PDGFD: variants seen among roughly 807,000 people sequenced by gnomAD.
The protein encoded by PDGFD is platelet derived growth factor D.
Under a neutral mutation model 44.7 loss-of-function variants are expected in PDGFD, and 30 were observed. The ratio of observed to expected loss-of-function variants is 0.67; its 90% CI spans 0.50 to 0.91. The LOEUF is 0.91. Ranked by LOEUF, PDGFD falls within the 40% of genes least tolerant of loss-of-function variation. PDGFD has a pLI of 0.00. For synonymous variants in PDGFD, 173 were observed against 168.4 expected (o/e 1.03, Z -0.21); for missense variants, 445 against 457.8 (o/e 0.97, Z 0.25).
intron 3 of PDGFD, among the ~76,000 whole-genome samples, chr11:103,972,170 T>G (rs1339495243): frequency 2.6e-5 from 4 of 152,214 alleles, no homozygotes; most frequent in Admixed American, 6.5e-5. Flanking sequence ...TCAGCATTAT[T>G]TACACTTCGG....
At chr11:103,931,309 TG>T (rs1246900534) in intron 5 of PDGFD, among the ~76,000 whole-genome samples, 1 of 152,208 alleles carries the variant, frequency 6.6e-6, no homozygotes, top group Non-Finnish European at 1.5e-5. Flanking sequence ...AAATTCATTA[TG>T]AAACAAAATA....
intron 1 of PDGFD, among the ~76,000 whole-genome samples, chr11:104,019,624 C>T (rs187231835): frequency 7.2e-5 from 11 of 152,154 alleles, no homozygotes; most frequent in South Asian, 2.1e-4. Flanking sequence ...TAATTCTGAG[C>T]GCCAACTCCA....
chr11:104,081,499 C>G (rs7935990), intron 1 of PDGFD, among the ~76,000 whole-genome samples: 6,122 of 152,048 alleles, frequency 0.04, 409 homozygotes, highest in African/African-American at 0.14. Context: ...ACCAAGAAAC[C>G]CATAATGTCT....
intron 6 of PDGFD, among the ~76,000 whole-genome samples, chr11:103,919,859 G>GAAA: frequency 6.7e-6 from 1 of 148,850 alleles, no homozygotes. Flanking sequence ...GTTTCTCAAG[G>GAAA]AAAAAAAAAA....
chr11:104,046,743 TA>T lies in PDGFD; in HGVS notation c.125-46489del, dbSNP rs780803463. ...TCAGTGATTCAGGTTAAATTATTAT[TA>T]TTTTTTTATTATTATACTTTAAGTT... On this transcript the variant is annotated intron_variant, in intron 1 of 6. Transcript: ENST00000393158. Among the ~76,000 whole-genome samples, 16 of 147,420 alleles carry T rather than the reference TA, an allele frequency of 1.1e-4. 2 individuals carry two copies. Among genetic ancestry groups the T allele is most frequent in the East Asian group, 3.9e-4 (2 of 5,116 alleles).
intron 1 of PDGFD, among the ~76,000 whole-genome samples, chr11:104,156,722 T>G (rs1244137929): frequency 6.6e-6 from 1 of 152,208 alleles, no homozygotes; most frequent in African/African-American, 2.4e-5. Context: ...AAAGACATAT[T>G]ATCATGTGCA....
At chr11:104,134,385 T>C (rs1291733550) in intron 1 of PDGFD, among the ~76,000 whole-genome samples, 1 of 152,198 alleles carries the variant, frequency 6.6e-6, no homozygotes, top group Non-Finnish European at 1.5e-5. Context: ...AAGGAAATTA[T>C]TGTGTTGGAT....
At chr11:104,104,057 T>C (rs1418004940) in intron 1 of PDGFD, among the ~76,000 whole-genome samples, 1 of 151,954 alleles carries the variant, frequency 6.6e-6, no homozygotes, top group East Asian at 1.9e-4. Flanking sequence ...CCTGACCCTG[T>C]GCAGGCCTAA....
chr11:104,124,454 T>C (rs1355350907), intron 1 of PDGFD, among the ~76,000 whole-genome samples: 1 of 152,098 alleles, frequency 6.6e-6, no homozygotes, highest in Non-Finnish European at 1.5e-5. Context: ...TCCTGTAAAG[T>C]ACAAAACGAA....
intron 1 of PDGFD, among the ~76,000 whole-genome samples, chr11:104,103,462 G>GTGTGTGTGTGTGTA (rs1041388346): frequency 1.1e-4 from 14 of 133,260 alleles, no homozygotes; most frequent in African/African-American, 3.9e-4. Context: ...GTGTGTGTGT[G>GTGTGTGTGTGTGTA]TATATATATA....
intron 1 of PDGFD, among the ~76,000 whole-genome samples, chr11:104,056,895 C>T (rs908776114): frequency 1.3e-5 from 2 of 152,086 alleles, no homozygotes; most frequent in Non-Finnish European, 1.5e-5. Flanking sequence ...TTTGGGAGGC[C>T]GAGGCAGGAG....
chr11:104,036,545 G>C, intron 1 of PDGFD: 1 of 495,806 alleles, frequency 2.0e-6, no homozygotes. Flanking sequence ...GTGTATCCAT[G>C]GGAGTAGGCA....
intron 1 of PDGFD, among the ~76,000 whole-genome samples, chr11:104,066,305 C>G (rs1163647619): frequency 1.3e-5 from 2 of 152,130 alleles, no homozygotes; most frequent in Admixed American, 6.5e-5. Flanking sequence ...TGAAAAATCA[C>G]TCAGTTGAAT....
At chr11:103,943,716 C>G in intron 4 of PDGFD, 66 bp from the exon 5 acceptor site, 1 of 1,356,028 alleles carries the variant, frequency 7.4e-7, no homozygotes, top group Non-Finnish European at 1.0e-6. Context: ...AACAGTCATT[C>G]AACTATACGG....
At chr11:104,132,999 CA>C (rs1195088664) in intron 1 of PDGFD, among the ~76,000 whole-genome samples, 1 of 152,148 alleles carries the variant, frequency 6.6e-6, no homozygotes, top group Admixed American at 6.6e-5. Context: ...AGACCCTCTT[CA>C]TCATTTGAAC....
At chr11:104,090,704 T>C (rs1165627755) in intron 1 of PDGFD, among the ~76,000 whole-genome samples, 1 of 151,004 alleles carries the variant, frequency 6.6e-6, no homozygotes, top group African/African-American at 2.4e-5. Context: ...AAACAGGCAA[T>C]AATTTTTGAA....
chr11:104,079,972 T>C (rs1215077836), intron 1 of PDGFD, among the ~76,000 whole-genome samples: 1 of 152,212 alleles, frequency 6.6e-6, no homozygotes, highest in Non-Finnish European at 1.5e-5. Context: ...GCCATGCTCT[T>C]TGAATTAAAA....
At chr11:103,957,949 G>A (rs1001966140) in intron 3 of PDGFD, among the ~76,000 whole-genome samples, 14 of 152,000 alleles carry the variant, frequency 9.2e-5, no homozygotes, top group Non-Finnish European at 1.6e-4. Flanking sequence ...TGTTTGGTAA[G>A]TGAACATTTA....
chr11:104,099,963 T>C (rs1861348059), intron 1 of PDGFD, among the ~76,000 whole-genome samples: 1 of 152,142 alleles, frequency 6.6e-6, no homozygotes, highest in Admixed American at 6.6e-5. Context: ...ACTAGTTCAT[T>C]AATACCTCTC....
Sources: allele counts gnomAD v4.1 joint callset (sites outside exome capture counted in the v4.1 genomes callset), GRCh38; gene constraint gnomAD v4.1.1; transcripts MANE v1.5; gene names NCBI Gene and HGNC (gene_info 2026-07-23, HGNC 2026-07-21).